Variants in MAGI2 observed in about 807,000 individuals in gnomAD.
The protein encoded by MAGI2 is membrane associated guanylate kinase, WW and PDZ domain containing 2, also known as membrane-associated guanylate kinase, WW and PDZ domain-containing protein 2.
A neutral mutation model predicts 133.3 loss-of-function variants in MAGI2; 35 were observed. That is an observed-to-expected ratio of 0.26 (90% CI 0.20 to 0.35). The LOEUF (loss-of-function observed/expected upper bound fraction) is 0.35, where lower values mean the gene tolerates loss of function less well. Among genes scored for constraint, MAGI2 ranks in the 10% least tolerant of loss-of-function variants. The pLI, the probability that MAGI2 is intolerant of heterozygous loss-of-function variation, is 1.00. For synonymous variants in MAGI2, 729 were observed against 710.6 expected (o/e 1.03, Z -0.41); for missense variants, 1,636 against 1,863.4 (o/e 0.88, Z 2.25).
At chr7:79,222,441 G>A (rs1390387403) in intron 1 of MAGI2, among the ~76,000 whole-genome samples, 1 of 151,990 alleles carries the variant, frequency 6.6e-6, no homozygotes, top group Non-Finnish European at 1.5e-5. Flanking sequence ...TAGGACCAAG[G>A]AAAACAGACT....
At chr7:78,597,917 A>C (rs1266230738) in intron 3 of MAGI2, among the ~76,000 whole-genome samples, 1 of 152,072 alleles carries the variant, frequency 6.6e-6, no homozygotes, top group Non-Finnish European at 1.5e-5. Flanking sequence ...AGTCTATTTA[A>C]TAATAAAAGA....
chr7:78,596,155 A>AAGGG (rs1804575250), intron 3 of MAGI2, among the ~76,000 whole-genome samples: 1 of 134,454 alleles, frequency 7.4e-6, no homozygotes, highest in South Asian at 2.8e-4. Flanking sequence ...TGAAGGAAGG[A>AAGGG]AGGGAGGGAG....
chr7:79,322,108 C>A (rs182880690), intron 1 of MAGI2, among the ~76,000 whole-genome samples: 1 of 151,984 alleles, frequency 6.6e-6, no homozygotes, highest in Non-Finnish European at 1.5e-5. Context: ...GGCATAGAAG[C>A]ATTTACCTTC....
chr7:78,472,186 C>T (rs1476059278), intron 6 of MAGI2, among the ~76,000 whole-genome samples: 3 of 152,008 alleles, frequency 2.0e-5, no homozygotes, highest in Non-Finnish European at 4.4e-5. Flanking sequence ...ATTTTTGCTG[C>T]TATTATGAAT....
At chr7:78,928,610 T>C (rs894064656) in intron 2 of MAGI2, among the ~76,000 whole-genome samples, 1 of 152,060 alleles carries the variant, frequency 6.6e-6, no homozygotes, top group Non-Finnish European at 1.5e-5. Flanking sequence ...GCCAATTAAA[T>C]AGAAGCAAGG....
At chr7:79,213,295 CGTGT>C (rs772454367) in intron 1 of MAGI2, among the ~76,000 whole-genome samples, 33 of 147,230 alleles carry the variant, frequency 2.2e-4, no homozygotes, top group Non-Finnish European at 4.2e-4. Context: ...TGTGGGTGTA[CGTGT>C]GTGTATTTAC....
chr7:79,392,018 C>G lies in MAGI2; in HGVS notation c.301+61002G>C, dbSNP rs143696093. Among the ~76,000 whole-genome samples, 178 of 152,156 alleles carry G rather than the reference C, an allele frequency of 1.2e-3. 1 individual carries two copies. The highest frequency in any genetic ancestry group is 4.1e-3 in the African/African-American group (172 of 41,526). On this transcript the variant is annotated intron_variant, in intron 1 of 21. Transcript: ENST00000354212. ...GCTCTCCCTCCCCTTGACTCACCAC[C>G]CTCCGACAGGCCCCGGTGTGTGATA...
intron 1 of MAGI2, among the ~76,000 whole-genome samples, chr7:79,129,503 T>C (rs1008404409): frequency 1.3e-5 from 2 of 152,216 alleles, no homozygotes; most frequent in Non-Finnish European, 2.9e-5. Context: ...TCTCCATTTA[T>C]TCTCCATCTC....
At chr7:78,634,440 G>T (rs1809408371) in intron 2 of MAGI2, among the ~76,000 whole-genome samples, 1 of 152,214 alleles carries the variant, frequency 6.6e-6, no homozygotes, top group African/African-American at 2.4e-5. Flanking sequence ...AAGGATATTA[G>T]TTGATGTTAC....
At chr7:78,477,882 T>C (rs2885559) in intron 6 of MAGI2, among the ~76,000 whole-genome samples, 110,855 of 151,784 alleles carry the variant, frequency 0.73, 42,128 homozygotes, top group African/African-American at 0.93. Context: ...GAATATTTCC[T>C]TTCTTATGGG....
intron 5 of MAGI2, among the ~76,000 whole-genome samples, chr7:78,498,651 G>A (rs563664738): frequency 1.5e-4 from 23 of 152,248 alleles, no homozygotes; most frequent in African/African-American, 5.1e-4. Flanking sequence ...ACAAAAAGAC[G>A]CTGATCCACT....
intron 1 of MAGI2, among the ~76,000 whole-genome samples, chr7:79,092,866 T>A (rs1817184703): frequency 6.6e-6 from 1 of 152,114 alleles, no homozygotes; most frequent in South Asian, 2.1e-4. Context: ...CTTACCTCCT[T>A]TTCTAACCTT....
intron 10 of MAGI2, among the ~76,000 whole-genome samples, chr7:78,220,787 G>T (rs950661841): frequency 6.6e-6 from 1 of 152,142 alleles, no homozygotes; most frequent in African/African-American, 2.4e-5. Context: ...ATGAAATCAC[G>T]TCAATAATTA....
At chr7:79,070,968 A>T (rs1814903630) in intron 1 of MAGI2, among the ~76,000 whole-genome samples, 2 of 152,094 alleles carry the variant, frequency 1.3e-5, no homozygotes, top group Admixed American at 1.3e-4. Flanking sequence ...CTCATTCTCC[A>T]TCCAGTCTTG....
chr7:78,396,806 G>T (rs1796386637), intron 6 of MAGI2, among the ~76,000 whole-genome samples: 1 of 152,050 alleles, frequency 6.6e-6, no homozygotes, highest in Admixed American at 6.5e-5. Flanking sequence ...AAGGATCATG[G>T]CACATAAAGA....
chr7:78,046,000 C>T (rs548693574), intron 21 of MAGI2, among the ~76,000 whole-genome samples: 1 of 152,224 alleles, frequency 6.6e-6, no homozygotes, highest in East Asian at 1.9e-4. Context: ...TCAGACCTGG[C>T]AGAACTTGAA....
chr7:78,124,438 CAA>C (rs1012415622), intron 20 of MAGI2, among the ~76,000 whole-genome samples: 2 of 152,126 alleles, frequency 1.3e-5, no homozygotes, highest in Non-Finnish European at 2.9e-5. Flanking sequence ...TGGGGAGAAA[CAA>C]AGACATGATG....
At chr7:78,193,844 C>A in intron 12 of MAGI2, among the ~76,000 whole-genome samples, 1 of 151,964 alleles carries the variant, frequency 6.6e-6, no homozygotes, top group East Asian at 1.9e-4. Flanking sequence ...TATTTTTCAA[C>A]CAAAATTAGT....
In MAGI2 at chr7:78,382,167, GT is replaced by G. The variant is rs553909840; in HGVS notation, c.1046-12955del. Among the ~76,000 whole-genome samples the G allele has an allele frequency of 1.9e-4, 26 of 139,634 alleles. No individual in the cohort carries two copies. The South Asian group carries it at 6.2e-3, about 33-fold the overall frequency. 91.6% of individuals were successfully genotyped at this position (139,634 alleles called of 152,430 possible). ...TATGTGGTTATATGCAGATCATATTGTTAAACAAAAACATTCAAATGTTCGT... is the reference window on the plus strand; with the variant it reads ...TATGTGGTTATATGCAGATCATATTGTAAACAAAAACATTCAAATGTTCGT... On this transcript the variant is annotated intron_variant, in intron 6 of 21. Transcript: ENST00000354212.
Sources: allele counts gnomAD v4.1 joint callset (sites outside exome capture counted in the v4.1 genomes callset), GRCh38; gene constraint gnomAD v4.1.1; transcripts MANE v1.5; gene names NCBI Gene and HGNC (gene_info 2026-07-23, HGNC 2026-07-21).